Variants in COL6A3 observed in about 807,000 individuals in gnomAD.
COL6A3 encodes collagen alpha-3(VI) chain.
In COL6A3, 137 loss-of-function variants were observed where a neutral mutation model predicts 274.1. The ratio of observed to expected loss-of-function variants is 0.50; its 90% CI spans 0.44 to 0.58. The LOEUF is 0.58. Among genes scored for constraint, COL6A3 ranks in the 20% least tolerant of loss-of-function variants. The probability of loss-of-function intolerance (pLI) is 0.00; values close to 1 mark genes in which losing one functional copy is unlikely to be tolerated. For missense variants in COL6A3, 3,950 were observed against 4,124.9 expected, an observed-to-expected ratio of 0.96 and a Z score of 1.16; for synonymous variants, 1,650 against 1,650.6, an observed-to-expected ratio of 1.00 and a Z score of 0.01.
chr2:237,410,511 C>T (rs550658844), intron 1 of COL6A3, among the ~76,000 whole-genome samples: 3 of 152,118 alleles, frequency 2.0e-5, no homozygotes, highest in East Asian at 1.9e-4. Flanking sequence ...CCCTATGTTG[C>T]CCAGGCTTGT....
Position 237,361,806 on chromosome 2 carries a change from CA to C in COL6A3, c.6088del (p.Cys2030ValfsTer49), listed in dbSNP as rs1318936757. On this transcript the variant is annotated frameshift_variant, in exon 15 of 44. Transcript: ENST00000295550. LOFTEE classifies it high-confidence loss of function. This position sits in a 1 kb window ranked among gnomAD's most constrained non-coding sequence, Gnocchi z 5.1. ...QLDNIAEKAC[C>X]GVPCKCSGQR... ...CCCAGAGCACTTGCAGGGAACCCCA[CA>C]GCAAGCTTTCTCGGCAATGTTGTCC... is the stretch of plus-strand genomic sequence containing the variant. The C allele has an allele frequency of 1.2e-6, 2 of 1,614,222 alleles. No individual in the cohort carries two copies. Among genetic ancestry groups the C allele is most frequent in the Non-Finnish European group, 1.7e-6 (2 of 1,180,038 alleles).
In COL6A3 at chr2:237,339,028, C is replaced by A. The variant is rs1386660171; in HGVS notation, c.8554G>T (p.Gly2852Cys). The stretch of plus-strand genomic sequence containing the variant: ...ATAATCACTTACACTTGTTTGTGAC[C>A]AAACTTCACAAGGTTCTTTGTGGGT... The part of the protein sequence containing the change: ...DQPTKNLVKF[G>C]HKQVNVPNNV... Residue 2852 changes from glycine (G) to cysteine (C), a missense_variant, in exon 39 of 44, where the codon GGT becomes TGT. Physicochemically the swap from Gly to Cys is radical, Grantham distance 159 (BLOSUM62 -3). This residue lies in a region of COL6A3 where 1,284 missense variants were observed against 1,349.7 expected (regional missense o/e 0.95). Coordinates refer to ENST00000295550, the MANE Select transcript of COL6A3 (RefSeq NM_004369.4). 6.2e-7 allele frequency: 1 copy of A among 1,613,442 alleles called. No individual in the cohort carries two copies. Among genetic ancestry groups the A allele is most frequent in the African/African-American group, 1.3e-5 (1 of 74,890 alleles).
At chr2:237,406,553 T>C (rs574782379) in intron 1 of COL6A3, among the ~76,000 whole-genome samples, 74 of 152,252 alleles carry the variant, frequency 4.9e-4, no homozygotes, top group African/African-American at 1.7e-3. Context: ...TTCAGTAAAT[T>C]TGAGGCACTC....
rs1574719707 is a variant in COL6A3, at chr2:237,378,759, T to C, written c.2374A>G (p.Asn792Asp). The C allele has an allele frequency of 1.2e-6, 2 of 1,614,182 alleles. No individual in the cohort carries two copies. Among genetic ancestry groups the C allele is most frequent in the Non-Finnish European group, 1.7e-6 (2 of 1,180,024 alleles). Residue 792 changes from asparagine to aspartate, a missense_variant, in exon 6 of 44, where the codon AAC (asparagine) becomes GAC (aspartate). Physicochemically the swap from Asn to Asp is conservative, Grantham distance 23. This residue lies in a region of COL6A3 where 1,934 missense variants were observed against 1,984.3 expected (regional missense o/e 0.97). Coordinates refer to ENST00000295550, the MANE Select transcript of COL6A3 (RefSeq NM_004369.4). ...NKAELEQIAF[N>D]PSLVYLMDDF... ...TCCATGAGATACACCAGGCTTGGGT[T>C]AAAAGCAATCTGCTCAAGCTCTGCC... is the stretch of plus-strand genomic sequence containing the variant.
intron 42 of COL6A3, among the ~76,000 whole-genome samples, chr2:237,332,084 T>C (rs1700271400): frequency 6.2e-5 from 1 of 16,244 alleles, no homozygotes; most frequent in Admixed American, 5.7e-4. Flanking sequence ...TATATATATA[T>C]ATATATATAT....
In COL6A3 at chr2:237,324,036, AT is replaced by A. The variant is rs1398406223; in HGVS notation, c.*737del. 1 of 152,528 alleles carries A rather than the reference AT, an allele frequency of 6.6e-6. No homozygotes were observed. Among genetic ancestry groups the A allele is most frequent in the Non-Finnish European group, 1.5e-5 (1 of 68,030 alleles). The allele number at this position is 152,528 out of a possible 1,614,324, so 9.4% of individuals were successfully genotyped here. On this transcript the variant is annotated 3_prime_UTR_variant, in exon 44 of 44. Coordinates refer to ENST00000295550, the MANE Select transcript of COL6A3 (RefSeq NM_004369.4). The stretch of plus-strand genomic sequence containing the variant: ...ACCCAGGAAACTTTCAATATACTTT[AT>A]TAAAAAGTTTCTTTGTATAAATTTC...
chr2:237,393,305 G>A (rs1463415140), intron 3 of COL6A3, among the ~76,000 whole-genome samples: 1 of 152,160 alleles, frequency 6.6e-6, no homozygotes, highest in East Asian at 1.9e-4. Context: ...CAAATCAGCA[G>A]TTGCTTCCTG....
intron 22 of COL6A3, among the ~76,000 whole-genome samples, 172 bp from the exon 23 acceptor site, chr2:237,357,563 T>C (rs1296297396): frequency 2.0e-5 from 3 of 152,214 alleles, no homozygotes; most frequent in African/African-American, 7.2e-5. Flanking sequence ...CTCCCACCTC[T>C]ACAAGCCTTT....
chr2:237,373,257 C>T (rs1022516621), intron 8 of COL6A3, among the ~76,000 whole-genome samples: 2 of 152,190 alleles, frequency 1.3e-5, no homozygotes, highest in Non-Finnish European at 2.9e-5. Flanking sequence ...AGTCCATCCT[C>T]GGCAATCTGG....
chr2:237,329,556 C>T (rs1362895891), intron 42 of COL6A3: 2 of 152,122 alleles, frequency 1.3e-5, no homozygotes, highest in African/African-American at 2.4e-5. Flanking sequence ...TTCCTAAATC[C>T]CTGTAGCTAT....
chr2:237,373,821 T>G (rs1227025217), intron 8 of COL6A3, among the ~76,000 whole-genome samples: 1 of 152,184 alleles, frequency 6.6e-6, no homozygotes, highest in Non-Finnish European at 1.5e-5. Context: ...TAGTTTATTG[T>G]ACCAGGCCTA....
chr2:237,411,124 A>C (rs2078845735), intron 1 of COL6A3, among the ~76,000 whole-genome samples: 1 of 152,174 alleles, frequency 6.6e-6, no homozygotes, highest in African/African-American at 2.4e-5. Flanking sequence ...TGCTCCCGTA[A>C]GTCAGGGTGG....
chr2:237,384,765 G>A (rs1232173744), intron 4 of COL6A3, among the ~76,000 whole-genome samples: 1 of 151,988 alleles, frequency 6.6e-6, no homozygotes, highest in Non-Finnish European at 1.5e-5. Context: ...GAGAGCCCCT[G>A]CCCCCACCAC....
intron 42 of COL6A3, chr2:237,327,575 T>A (rs1262045881): frequency 6.6e-6 from 1 of 152,186 alleles, no homozygotes; most frequent in African/African-American, 2.4e-5. Flanking sequence ...TAAGATTTAC[T>A]AGTGGAAAAT....
intron 10 of COL6A3, 62 bp from the exon 11 acceptor site, chr2:237,367,348 A>C: frequency 1.9e-6 from 3 of 1,543,334 alleles, no homozygotes; most frequent in Non-Finnish European, 2.6e-6. Flanking sequence ...ACATAAATAC[A>C]CAAAAGGTAA....
Position 237,336,281 on chromosome 2 carries a change from G to A in COL6A3, c.8819C>T (p.Thr2940Met), listed in dbSNP as rs200626456. ...VRPPVAVKPA[T>M]AAKPVAAKPA... ...CTTTGCTGCTACAGGCTTCGCTGCCGTTGCTGGCTTCACCGCCACTGGGGG... is the reference window on the plus strand; with the variant it reads ...CTTTGCTGCTACAGGCTTCGCTGCCATTGCTGGCTTCACCGCCACTGGGGG... The change falls in exon 40 of 44, where the codon ACG becomes ATG. Residue 2940 changes from threonine to methionine, a missense_variant. Thr to Met is a moderately conservative substitution (Grantham distance 81, BLOSUM62 -1). Coordinates refer to ENST00000295550, the MANE Select transcript of COL6A3 (RefSeq NM_004369.4). 321 of 1,614,032 alleles carry A rather than the reference G, an allele frequency of 2.0e-4. No individual in the cohort carries two copies. Among genetic ancestry groups the A allele is most frequent in the East Asian group, 3.8e-4 (17 of 44,886 alleles).
At chr2:237,326,580 A>G (rs1489954186) in intron 42 of COL6A3, 1 of 152,212 alleles carries the variant, frequency 6.6e-6, no homozygotes, top group African/African-American at 2.4e-5. Context: ...TCTGGGAAAG[A>G]GAAGCATTGA....
intron 5 of COL6A3, 96 bp downstream of exon 5, chr2:237,380,819 T>G (rs2077982490): frequency 1.7e-6 from 2 of 1,143,870 alleles, no homozygotes; most frequent in Non-Finnish European, 2.6e-6. Context: ...ATTTGTTGTC[T>G]CTTAGCTAAA....
In COL6A3 at chr2:237,376,827, A is replaced by G; in HGVS notation, c.3015T>C (p.Leu1005=). The G allele has an allele frequency of 6.2e-7, 1 of 1,614,184 alleles. No individual in the cohort carries two copies. Among genetic ancestry groups the G allele is most frequent in the Non-Finnish European group, 8.5e-7 (1 of 1,180,030 alleles). Residue 1005 remains leucine, a synonymous_variant, in exon 7 of 44, where the codon CTT becomes CTC. Transcript: ENST00000295550. ...AAESLPKIGD[L]HPQIVNLLKS... ...TTAAGAGATTCACTATCTGTGGATGAAGATCTCCAATCTTGGGAAGCGACT... is the reference window on the plus strand; with the variant it reads ...TTAAGAGATTCACTATCTGTGGATGGAGATCTCCAATCTTGGGAAGCGACT...
Sources: allele counts gnomAD v4.1 joint callset (sites outside exome capture counted in the v4.1 genomes callset), GRCh38; gene constraint gnomAD v4.1.1; regional missense constraint gnomAD v4.1.1; non-coding constraint Gnocchi (gnomAD v3.1); transcripts MANE v1.5; gene names NCBI Gene and HGNC (gene_info 2026-07-23, HGNC 2026-07-21).